The following SLC26A4 variants were observed in gnomAD, a reference collection of about 807,000 sequenced individuals.
SLC26A4 encodes solute carrier family 26 member 4, also known as pendrin.
SLC26A4 carries 93 observed loss-of-function variants against 90.4 expected under a neutral mutation model. The observed-to-expected ratio is 1.03, with a 90% CI of 0.87 to 1.22. SLC26A4 has a LOEUF of 1.22. SLC26A4 is among the 50% of genes most tolerant of loss of function. The pLI is 0.00. For synonymous variants in SLC26A4, 393 were observed against 354.6 expected (o/e 1.11, Z -1.22); for missense variants, 1,127 against 946.2 (o/e 1.19, Z -2.51).
chr7:107,661,864 A>G lies in SLC26A4; in HGVS notation c.164+59A>G. 1 of 1,501,040 alleles carries G rather than the reference A, an allele frequency of 6.7e-7. No individual in the cohort carries two copies. The highest frequency in any genetic ancestry group is 8.9e-7 in the Non-Finnish European group (1 of 1,123,496). The allele number at this position is 1,501,040 out of a possible 1,614,324, so 93.0% of individuals were successfully genotyped here. A position where few individuals can be genotyped will look rare whatever the true frequency, so the allele number is the denominator to read the frequency against. ...GGAGCGGGGCGTCCACGCCTTGGGG[A>G]GGGAAGGGCGTCCCCAGCGGGCGAG... On this transcript the variant is annotated intron_variant, in intron 2 of 20. Transcript: ENST00000644269. The surrounding 1 kb of genome is among the most constrained non-coding windows in gnomAD (Gnocchi z 5.1).
At chr7:107,666,278 G>A (rs2129309913) in intron 3 of SLC26A4, among the ~76,000 whole-genome samples, 2 of 152,302 alleles carry the variant, frequency 1.3e-5, no homozygotes, top group East Asian at 3.9e-4. Flanking sequence ...CTGGAGTGCA[G>A]TGGTGAGATC....
Position 107,704,326 on chromosome 7 carries a change from T to C in SLC26A4, c.2035-5T>C. On this transcript the variant is annotated splice_polypyrimidine_tract_variant and splice_region_variant and intron_variant, in intron 17 of 20. Transcript: ENST00000644269. ...TTGTTACAAACTCTCCTTTTTTATT[T>C]TTAGATTGTCAAAGAATTCCAAAGA... 1 of 1,316,364 alleles carries C rather than the reference T, an allele frequency of 7.6e-7. No individual in the cohort carries two copies. Among genetic ancestry groups the C allele is most frequent in the Non-Finnish European group, 1.1e-6 (1 of 914,158 alleles). The allele number at this position is 1,316,364 out of a possible 1,614,324, so 81.5% of individuals were successfully genotyped here. A position where few individuals can be genotyped will look rare whatever the true frequency, so the allele number is the denominator to read the frequency against.
intron 10 of SLC26A4, chr7:107,693,576 T>A (rs748901850): frequency 1.0e-6 from 1 of 985,402 alleles, no homozygotes; most frequent in East Asian, 1.1e-4. Context: ...ATCTTGGCTC[T>A]GCCCCAGCTG....
Position 107,715,459 on chromosome 7 carries a change from G to A in SLC26A4, c.*13G>A, listed in dbSNP as rs760009535. On this transcript the variant is annotated 3_prime_UTR_variant, in exon 21 of 21. Transcript: ENST00000644269. ...ACTTGCATCCTGAAAGTGGGTTCGGGAGGTCTCTATGAGCAAGGAATACAA... is the reference window on the plus strand; with the variant it reads ...ACTTGCATCCTGAAAGTGGGTTCGGAAGGTCTCTATGAGCAAGGAATACAA... 7 of 1,610,556 alleles carry A rather than the reference G, an allele frequency of 4.3e-6. No individual in the cohort carries two copies. The highest frequency in any genetic ancestry group is 5.9e-6 in the Non-Finnish European group (7 of 1,176,892).
chr7:107,666,263 G>T (rs546600939), intron 3 of SLC26A4, among the ~76,000 whole-genome samples: 1 of 152,022 alleles, frequency 6.6e-6, no homozygotes, highest in African/African-American at 2.4e-5. Flanking sequence ...GCTCTGTTGC[G>T]CAGGCTGGAG....
At chr7:107,670,686 C>T (rs1158824666) in intron 3 of SLC26A4, among the ~76,000 whole-genome samples, 2 of 152,148 alleles carry the variant, frequency 1.3e-5, no homozygotes, top group African/African-American at 4.8e-5. Context: ...CCAGCATATT[C>T]AGGCTGTTGC....
Position 107,700,099 on chromosome 7 carries a change from G to C in SLC26A4, c.1631G>C (p.Gly544Ala). The change falls in exon 15 of 21, where the codon GGA becomes GCA. Residue 544 changes from glycine (G) to alanine (A), a missense_variant. By Grantham distance (60) the Gly-to-Ala change is moderately conservative. Coordinates refer to ENST00000644269, the MANE Select transcript of SLC26A4 (RefSeq NM_000441.2). ...KNYKNIEEPQ[G>A]VKILRFSSPI... ...TAATGCCAGATTGAAGAACCTCAAG[G>C]AGTGAAGATTCTTAGATTTTCCAGT... is the stretch of plus-strand genomic sequence containing the variant. The C allele has an allele frequency of 1.3e-6, 2 of 1,567,516 alleles. No individual in the cohort carries two copies. Among genetic ancestry groups the C allele is most frequent in the African/African-American group, 2.7e-5 (2 of 74,092 alleles).
chr7:107,661,534 G>A lies in SLC26A4; in HGVS notation c.-3-105G>A. 7.9e-7 allele frequency: 1 copy of A among 1,269,176 alleles called. No homozygotes were observed. Among genetic ancestry groups the A allele is most frequent in the Non-Finnish European group, 1.1e-6 (1 of 906,904 alleles). 78.6% of individuals were successfully genotyped at this position (1,269,176 alleles called of 1,614,324 possible). ...CCAGACTCGCGGTGCAGGGGGGCCT[G>A]GCTGCAGCTAACAGGTGATCCCGTT... On this transcript the variant is annotated intron_variant, in intron 1 of 20. Transcript: ENST00000644269. The surrounding 1 kb of genome is among the most constrained non-coding windows in gnomAD (Gnocchi z 5.1).
At chr7:107,674,588 T>TG (rs1218969683) in intron 5 of SLC26A4, among the ~76,000 whole-genome samples, 1 of 152,164 alleles carries the variant, frequency 6.6e-6, no homozygotes, top group African/African-American at 2.4e-5. Context: ...ACATGTGTGA[T>TG]TCAATTGAGG....
Position 107,663,378 on chromosome 7 carries a change from T to C in SLC26A4, c.247T>C (p.Trp83Arg). The C allele has an allele frequency of 1.4e-5, 23 of 1,614,150 alleles. No individual in the cohort carries two copies. Among genetic ancestry groups the C allele is most frequent in the Non-Finnish European group, 1.9e-5 (23 of 1,180,018 alleles). ...GCTCCCCAAATACCGAGTCAAGGAA[T>C]GGCTGCTTAGTGACGTCATTTCGGG... ...EWLPKYRVKE[W>R]LLSDVISGVS... Residue 83 changes from tryptophan to arginine, a missense_variant, in exon 3 of 21, where the codon TGG (tryptophan) becomes CGG (arginine). Transcript: ENST00000644269.
chr7:107,683,591 T>G (rs1791315855), intron 8 of SLC26A4, 54 bp downstream of exon 8: 2 of 1,403,526 alleles, frequency 1.4e-6, no homozygotes, highest in Non-Finnish European at 2.0e-6. Context: ...AGTCAGTCTT[T>G]TTTATTTAAA....
At chr7:107,667,003 G>A (rs1320234137) in intron 3 of SLC26A4, among the ~76,000 whole-genome samples, 1 of 152,150 alleles carries the variant, frequency 6.6e-6, no homozygotes, top group Non-Finnish European at 1.5e-5. Context: ...GATGAGTGTG[G>A]ATGAAAATCA....
intron 6 of SLC26A4, 113 bp from the exon 7 acceptor site, chr7:107,683,089 A>G: frequency 2.5e-6 from 2 of 801,850 alleles, no homozygotes; most frequent in Non-Finnish European, 4.1e-6. Flanking sequence ...TGCTGATATC[A>G]TGGTTTTTCA....
At chr7:107,704,504 A>G (rs1038560050) in intron 18 of SLC26A4, 119 bp downstream of exon 18, 45 of 610,730 alleles carry the variant, frequency 7.4e-5, no homozygotes, top group Non-Finnish European at 1.1e-4. Context: ...AAAGATCTCA[A>G]TTGTCATTAT....
intron 3 of SLC26A4, among the ~76,000 whole-genome samples, chr7:107,666,645 C>T (rs888366658): frequency 3.3e-5 from 5 of 152,056 alleles, no homozygotes; most frequent in African/African-American, 1.2e-4. Flanking sequence ...AAGAGTGTAC[C>T]AGGTAAAGGT....
intron 8 of SLC26A4, among the ~76,000 whole-genome samples, 199 bp from the exon 9 acceptor site, chr7:107,688,854 G>A (rs1397559309): frequency 6.6e-6 from 1 of 152,220 alleles, no homozygotes; most frequent in African/African-American, 2.4e-5. Flanking sequence ...AAAGAAATCA[G>A]CCAGTAAGAT....
chr7:107,686,453 CTTTT>C (rs1791421984), intron 8 of SLC26A4, among the ~76,000 whole-genome samples: 2 of 36,766 alleles, frequency 5.4e-5, no homozygotes. Context: ...TTCTTTCTTT[CTTTT>C]CTTTCTTTCC....
intron 6 of SLC26A4, among the ~76,000 whole-genome samples, chr7:107,681,688 G>A (rs907484190): frequency 1.3e-5 from 2 of 152,102 alleles, no homozygotes; most frequent in East Asian, 1.9e-4. Context: ...TCTTCCTTGG[G>A]ATTCTTCCTT....
intron 6 of SLC26A4, among the ~76,000 whole-genome samples, chr7:107,678,633 A>C (rs191777590): frequency 6.6e-6 from 1 of 152,176 alleles, no homozygotes; most frequent in African/African-American, 2.4e-5. Flanking sequence ...ATCTCAGTTT[A>C]GCATACAGCA....
Sources: gnomAD v4.1 joint callset for allele counts (sites outside exome capture counted in the v4.1 genomes callset) on GRCh38, gnomAD v4.1.1 for gene constraint, Gnocchi (gnomAD v3.1) non-coding constraint, MANE v1.5 for transcripts, NCBI Gene and HGNC (gene_info 2026-07-23, HGNC 2026-07-21) for gene names.